DLGAP2: variants seen among roughly 807,000 people sequenced by gnomAD.
DLGAP2 encodes the protein disks large-associated protein 2.
In DLGAP2, 26 loss-of-function variants were observed where a neutral mutation model predicts 100.3. That is an observed-to-expected ratio of 0.26 (90% CI 0.19 to 0.36). The LOEUF (loss-of-function observed/expected upper bound fraction) is 0.36. DLGAP2 is among the 10% of genes least tolerant of loss of function. The probability of loss-of-function intolerance (pLI) is 1.00; values close to 1 mark genes in which losing one functional copy is unlikely to be tolerated. For missense variants in DLGAP2, 1,858 were observed against 1,453.2 expected, an observed-to-expected ratio of 1.28 and a Z score of -4.53; for synonymous variants, 886 against 630.1, an observed-to-expected ratio of 1.41 and a Z score of -6.08.
At chr8:1,183,936 T>C (rs6558419) in intron 2 of DLGAP2, among the ~76,000 whole-genome samples, 23,612 of 152,174 alleles carry the variant, frequency 0.16, 4,130 homozygotes, top group African/African-American at 0.43. Context: ...AATCATTGCG[T>C]GATTATTACA....
chr8:1,600,864 T>G (rs1796602829), intron 6 of DLGAP2, among the ~76,000 whole-genome samples: 1 of 152,182 alleles, frequency 6.6e-6, no homozygotes, highest in African/African-American at 2.4e-5. Flanking sequence ...TTCTGAAACC[T>G]ACTTCTATAA....
At chr8:1,327,743 C>T (rs535595972) in intron 3 of DLGAP2, among the ~76,000 whole-genome samples, 1 of 152,142 alleles carries the variant, frequency 6.6e-6, no homozygotes, top group Non-Finnish European at 1.5e-5. Flanking sequence ...ACTCAGGTGG[C>T]TGAGGCAGGA....
intron 2 of DLGAP2, among the ~76,000 whole-genome samples, chr8:1,017,989 C>G (rs1285658851): frequency 1.3e-5 from 2 of 152,212 alleles, no homozygotes; most frequent in East Asian, 1.9e-4. Context: ...TACCCCACAA[C>G]CTGAACTATT....
chr8:1,463,649 G>C (rs577218181), intron 3 of DLGAP2, among the ~76,000 whole-genome samples: 66 of 152,352 alleles, frequency 4.3e-4, no homozygotes, highest in Middle Eastern at 3.4e-3. Flanking sequence ...AGGCGGTCGG[G>C]ATACCCAAAT....
chr8:1,502,798 G>A (rs892543349), intron 4 of DLGAP2, among the ~76,000 whole-genome samples: 1 of 152,212 alleles, frequency 6.6e-6, no homozygotes, highest in Non-Finnish European at 1.5e-5. Context: ...TCTGGACAAT[G>A]TTAATGTCAT....
chr8:817,887 C>G (rs577106149), intron 1 of DLGAP2, among the ~76,000 whole-genome samples: 12 of 152,282 alleles, frequency 7.9e-5, no homozygotes, highest in Admixed American at 6.5e-4. Flanking sequence ...GAAATGGACT[C>G]TGTGAGGGTC....
chr8:781,503 A>T (rs1484993903), intron 1 of DLGAP2, among the ~76,000 whole-genome samples: 2 of 152,166 alleles, frequency 1.3e-5, no homozygotes, highest in Non-Finnish European at 2.9e-5. Flanking sequence ...TACAACTGTG[A>T]TTAACTGCTG....
chr8:1,593,098 C>G (rs533278000), intron 6 of DLGAP2, among the ~76,000 whole-genome samples: 33 of 152,200 alleles, frequency 2.2e-4, no homozygotes, highest in African/African-American at 7.5e-4. Flanking sequence ...GGTCTGGGCC[C>G]TCCTTCCCCT....
At chr8:784,594 TA>T (rs1821787513) in intron 1 of DLGAP2, among the ~76,000 whole-genome samples, 1 of 152,248 alleles carries the variant, frequency 6.6e-6, no homozygotes, top group East Asian at 1.9e-4. Context: ...TTGATATGTT[TA>T]AAAGGGTGAT....
chr8:1,680,214 C>T (rs551648304), intron 12 of DLGAP2, among the ~76,000 whole-genome samples: 144 of 152,240 alleles, frequency 9.5e-4, no homozygotes, highest in Non-Finnish European at 1.7e-3. Context: ...TTTATTTGTA[C>T]ATTGACAAGA....
chr8:909,061 A>G (rs1173410019), intron 2 of DLGAP2, among the ~76,000 whole-genome samples: 1 of 152,202 alleles, frequency 6.6e-6, no homozygotes, highest in Non-Finnish European at 1.5e-5. Context: ...AATTACGAGC[A>G]TGGATGGATG....
chr8:1,095,459 C>CG (rs1804337030), intron 2 of DLGAP2, among the ~76,000 whole-genome samples: 1 of 152,138 alleles, frequency 6.6e-6, no homozygotes, highest in Non-Finnish European at 1.5e-5. Context: ...GACTTCCTGG[C>CG]GGTGAGCACA....
intron 3 of DLGAP2, among the ~76,000 whole-genome samples, chr8:1,446,820 T>C (rs995749645): frequency 2.6e-5 from 4 of 152,220 alleles, no homozygotes; most frequent in African/African-American, 4.8e-5. Flanking sequence ...CCCTTGTAAG[T>C]TGGATTCCTA....
At chr8:954,879 G>A (rs1228791302) in intron 2 of DLGAP2, among the ~76,000 whole-genome samples, 1 of 152,140 alleles carries the variant, frequency 6.6e-6, no homozygotes, top group Non-Finnish European at 1.5e-5. Flanking sequence ...ATAGGTGTTA[G>A]TTTGCTGTGT....
At chr8:934,393 G>A (rs1799021436) in intron 2 of DLGAP2, among the ~76,000 whole-genome samples, 8 of 152,320 alleles carry the variant, frequency 5.3e-5, no homozygotes, top group Admixed American at 5.2e-4. Flanking sequence ...GGAGACACCT[G>A]GCTCTTTGTT....
intron 1 of DLGAP2, among the ~76,000 whole-genome samples, chr8:785,950 G>A (rs1821850811): frequency 6.6e-6 from 1 of 152,186 alleles, no homozygotes; most frequent in African/African-American, 2.4e-5. Context: ...ATGAGGGAAC[G>A]GGAGCACCAG....
chr8:1,119,767 C>T (rs1795992980), intron 2 of DLGAP2, among the ~76,000 whole-genome samples: 1 of 152,210 alleles, frequency 6.6e-6, no homozygotes, highest in Admixed American at 6.5e-5. Context: ...ACCACAGCTG[C>T]CTCTAGAGTT....
At chr8:938,620 G>T (rs1378291078) in intron 2 of DLGAP2, among the ~76,000 whole-genome samples, 4 of 152,238 alleles carry the variant, frequency 2.6e-5, no homozygotes, top group African/African-American at 4.8e-5. Context: ...AAAGAGGCTT[G>T]GATGGCCACA....
intron 4 of DLGAP2, among the ~76,000 whole-genome samples, chr8:1,538,833 C>T (rs568138235): frequency 6.6e-6 from 1 of 151,698 alleles, no homozygotes; most frequent in Non-Finnish European, 1.5e-5. Context: ...ACAGCACCCT[C>T]AGATCCCCAC....
Sources: allele counts gnomAD v4.1 joint callset (sites outside exome capture counted in the v4.1 genomes callset), GRCh38; gene constraint gnomAD v4.1.1; transcripts MANE v1.5; gene names NCBI Gene and HGNC (gene_info 2026-07-23, HGNC 2026-07-21).